Variants in SCUBE1 observed in about 807,000 individuals in gnomAD.
SCUBE1 encodes signal peptide, CUB domain and EGF like domain containing 1.
SCUBE1 carries 59 observed loss-of-function variants against 124.4 expected under a neutral mutation model. The observed-to-expected ratio is 0.47, with a 90% CI of 0.38 to 0.59. SCUBE1 has a LOEUF of 0.59. Ranked by LOEUF, SCUBE1 falls within the 20% of genes least tolerant of loss-of-function variation. The probability of loss-of-function intolerance (pLI) is 0.00; values close to 1 mark genes in which losing one functional copy is unlikely to be tolerated. For synonymous variants in SCUBE1, 545 were observed against 550.9 expected (o/e 0.99, Z 0.15); for missense variants, 1,150 against 1,371.2 (o/e 0.84, Z 2.55).
rs1924742466 is a variant in SCUBE1 at position 43,280,473 on chromosome 22, TCC to T, written c.484+10571_484+10572del. 1.1e-4 allele frequency among the ~76,000 whole-genome samples: 6 copies of T among 52,724 alleles called. 2 individuals are homozygous for T. The highest frequency in any genetic ancestry group is 8.2e-4 in the African/African-American group (5 of 6,064). 34.6% of individuals were successfully genotyped at this position (52,724 alleles called of 152,430 possible). Reference sequence around the variant, plus strand: ...TCCCTTCCCCTCACCCATCCTCCCGTCCCTTCCCCTCACCCATCCCCGTCCCT... The same window carrying T: ...TCCCTTCCCCTCACCCATCCTCCCGTCTTCCCCTCACCCATCCCCGTCCCT... On this transcript the variant is annotated intron_variant, in intron 4 of 21. Coordinates refer to ENST00000360835, the MANE Select transcript of SCUBE1 (RefSeq NM_173050.5).
In SCUBE1 at chr22:43,203,891, C is replaced by G; in HGVS notation, c.*106G>C. The G allele has an allele frequency of 1.6e-6, 2 of 1,247,748 alleles. No homozygotes were observed. The highest frequency in any genetic ancestry group is 2.3e-6 in the Non-Finnish European group (2 of 877,630). 77.3% of individuals were successfully genotyped at this position (1,247,748 alleles called of 1,614,324 possible). A position where few individuals can be genotyped will look rare whatever the true frequency, so the allele number is the denominator to read the frequency against. On this transcript the variant is annotated 3_prime_UTR_variant, in exon 22 of 22. Coordinates refer to ENST00000360835, the MANE Select transcript of SCUBE1 (RefSeq NM_173050.5). ...TGGTCGGCTTCCCTGAAGGGCAGTG[C>G]CATGGGGTTCCCAAGGTGGTGTGGA...
chr22:43,262,658 C>G, intron 5 of SCUBE1, 62 bp downstream of exon 5: 7 of 1,599,464 alleles, frequency 4.4e-6, no homozygotes, highest in Non-Finnish European at 6.0e-6. Context: ...TGGACAGACC[C>G]TCCAGAAAGT....
intron 21 of SCUBE1, 90 bp from the exon 22 acceptor site, chr22:43,204,239 C>T (rs185722004): frequency 7.3e-5 from 86 of 1,173,272 alleles, no homozygotes; most frequent in African/African-American, 4.7e-4. Flanking sequence ...GAGAGAGATG[C>T]GCTGGCTGGT....
At chr22:43,274,826 C>T (rs554127155) in intron 4 of SCUBE1, among the ~76,000 whole-genome samples, 53 of 152,270 alleles carry the variant, frequency 3.5e-4, no homozygotes, top group South Asian at 6.2e-4. Context: ...CAAGCAGTGG[C>T]GCTCACTTCC....
intron 3 of SCUBE1, 92 bp from the exon 4 acceptor site, chr22:43,291,272 C>G: frequency 7.2e-7 from 1 of 1,387,446 alleles, no homozygotes; most frequent in African/African-American, 1.4e-5. Flanking sequence ...CAGTGAATTT[C>G]CTCACATGGC....
At chr22:43,250,347 G>C (rs1923391421) in intron 6 of SCUBE1, among the ~76,000 whole-genome samples, 1 of 152,220 alleles carries the variant, frequency 6.6e-6, no homozygotes, top group South Asian at 2.1e-4. Context: ...CTGGCCTGGG[G>C]AAAACTTATG....
Position 43,203,783 on chromosome 22 carries a change from G to T in SCUBE1, c.*214C>A, listed in dbSNP as rs547366607. ...TGGTGTCCTGGGGAAGGGAGGCAGA[G>T]GGAGGGAGGGAGGCTTCCTGAAGCA... On this transcript the variant is annotated 3_prime_UTR_variant, in exon 22 of 22. Transcript: ENST00000360835. 1.5e-3 allele frequency: 762 copies of T among 512,178 alleles called. 7 individuals carry two copies. In the Middle Eastern group the frequency reaches 0.035, roughly 23 times the overall value. 31.7% of individuals were successfully genotyped at this position (512,178 alleles called of 1,614,324 possible).
intron 4 of SCUBE1, among the ~76,000 whole-genome samples, chr22:43,275,198 G>A (rs1225126452): frequency 6.6e-6 from 1 of 152,210 alleles, no homozygotes; most frequent in East Asian, 1.9e-4. Context: ...CAGACAAACT[G>A]GGGCTGGAGA....
chr22:43,280,004 T>A (rs1924698651), intron 4 of SCUBE1, among the ~76,000 whole-genome samples: 1 of 152,120 alleles, frequency 6.6e-6, no homozygotes, highest in Non-Finnish European at 1.5e-5. Flanking sequence ...CTCAAGCCAA[T>A]CAAGTCCCTG....
At chr22:43,208,764 T>A (rs1921405932) in intron 19 of SCUBE1, among the ~76,000 whole-genome samples, 1 of 152,080 alleles carries the variant, frequency 6.6e-6, no homozygotes, top group Non-Finnish European at 1.5e-5. Context: ...AGGAGCCGAG[T>A]GCGGCAGCGT....
intron 6 of SCUBE1, among the ~76,000 whole-genome samples, chr22:43,242,442 C>T (rs952617155): frequency 9.2e-5 from 14 of 152,204 alleles, no homozygotes; most frequent in African/African-American, 2.2e-4. Flanking sequence ...AAGCAGCAAA[C>T]GGGGCCCCGA....
Position 43,231,738 on chromosome 22 carries a change from A to G in SCUBE1, c.967+15T>C, listed in dbSNP as rs1922560628. On this transcript the variant is annotated intron_variant, in intron 8 of 21. Transcript: ENST00000360835. ...GCTGGGCCCGAGAGCCACCCGGGGC[A>G]TGGCAGGGGCTCACCCTGGCAGGTG... 1 of 1,567,166 alleles carries G rather than the reference A, an allele frequency of 6.4e-7. No individual in the cohort carries two copies.
At chr22:43,226,015 A>G (rs1282023144) in intron 10 of SCUBE1, among the ~76,000 whole-genome samples, 1 of 152,234 alleles carries the variant, frequency 6.6e-6, no homozygotes, top group Non-Finnish European at 1.5e-5. Context: ...AAGTCCTTCC[A>G]CAAGTACGTG....
chr22:43,305,343 G>A (rs950304285), intron 3 of SCUBE1, among the ~76,000 whole-genome samples: 2 of 152,220 alleles, frequency 1.3e-5, no homozygotes. Context: ...GTGGCTGATG[G>A]ATAAGTAAAC....
chr22:43,342,994 G>T (rs1416657163), intron 1 of SCUBE1, among the ~76,000 whole-genome samples, 180 bp downstream of exon 1: 1 of 140,292 alleles, frequency 7.1e-6, no homozygotes, highest in East Asian at 2.5e-4. Context: ...AGCCCCGGCC[G>T]CCCGGGCTGC....
intron 2 of SCUBE1, among the ~76,000 whole-genome samples, chr22:43,331,918 C>T (rs1926915987): frequency 6.6e-6 from 1 of 152,054 alleles, no homozygotes; most frequent in South Asian, 2.1e-4. Context: ...ACGGGGTGTG[C>T]AAAGGTCCAG....
intron 19 of SCUBE1, among the ~76,000 whole-genome samples, chr22:43,209,652 C>T (rs1325067212): frequency 6.6e-6 from 1 of 152,176 alleles, no homozygotes; most frequent in East Asian, 1.9e-4. Context: ...CCTCAGCGGG[C>T]GGGAGGAGAC....
At chr22:43,332,565 G>A (rs1926937718) in intron 2 of SCUBE1, among the ~76,000 whole-genome samples, 1 of 152,164 alleles carries the variant, frequency 6.6e-6, no homozygotes, top group African/African-American at 2.4e-5. Flanking sequence ...GGCTGGTGGG[G>A]GACGAAACCC....
intron 4 of SCUBE1, chr22:43,283,716 C>T (rs750446442): frequency 2.6e-5 from 4 of 152,184 alleles, no homozygotes; most frequent in African/African-American, 7.2e-5. Context: ...ACTCTAGTGA[C>T]GTAAGATGTC....
Sources: gnomAD v4.1 joint callset for allele counts (sites outside exome capture counted in the v4.1 genomes callset) on GRCh38, gnomAD v4.1.1 for gene constraint, MANE v1.5 for transcripts, NCBI Gene and HGNC (gene_info 2026-07-23, HGNC 2026-07-21) for gene names.